Variants in CPLANE1 observed in about 807,000 individuals in gnomAD.
The protein encoded by CPLANE1 is ciliogenesis and planar polarity effector 1.
CPLANE1 carries 263 observed loss-of-function variants against 362.5 expected under a neutral mutation model. The observed-to-expected ratio is 0.73, with a 90% CI of 0.66 to 0.80. The LOEUF (loss-of-function observed/expected upper bound fraction) is 0.80, where lower values mean the gene tolerates loss of function less well. CPLANE1 is among the 30% of genes least tolerant of loss of function. The probability of loss-of-function intolerance (pLI) is 0.00; values close to 1 mark genes in which losing one functional copy is unlikely to be tolerated. For synonymous variants in CPLANE1, 1,212 were observed against 1,302.6 expected (o/e 0.93, Z 1.50); for missense variants, 3,461 against 3,793.4 (o/e 0.91, Z 2.30).
chr5:37,184,802 T>G lies in CPLANE1; in HGVS notation c.4467A>C (p.Ile1489=). The G allele has an allele frequency of 9.9e-6, 16 of 1,611,404 alleles. No homozygotes were observed. The highest frequency in any genetic ancestry group is 1.4e-5 in the Non-Finnish European group (16 of 1,179,142). ...CTCAATTGTACCTTTGATAGATATTTATCCTACTTTTTTCTTCAACCGACA... is the reference window on the plus strand; with the variant it reads ...CTCAATTGTACCTTTGATAGATATTGATCCTACTTTTTTCTTCAACCGACA... ...EALSVEEKSR[I]NIYQRNAPNH... The change falls in exon 25 of 53, where the codon ATA becomes ATC. Residue 1489 remains isoleucine, a synonymous_variant. Coordinates refer to ENST00000651892, the MANE Select transcript of CPLANE1 (RefSeq NM_001384732.1).
intron 38 of CPLANE1, among the ~76,000 whole-genome samples, chr5:37,160,182 C>T (rs1580289475): frequency 6.6e-6 from 1 of 152,120 alleles, no homozygotes; most frequent in Non-Finnish European, 1.5e-5. Context: ...CAGCTGCCAA[C>T]TTCGATAAAC....
chr5:37,105,965 C>T (rs185307398), downstream of CPLANE1, among the ~76,000 whole-genome samples: 11 of 152,230 alleles, frequency 7.2e-5, no homozygotes, highest in African/African-American at 1.7e-4. Context: ...AATGAGGTAT[C>T]GCTGCACCCC....
chr5:37,098,720 A>T, the CPLANE1 span, among the ~76,000 whole-genome samples: 1 of 151,986 alleles, frequency 6.6e-6, no homozygotes, highest in Non-Finnish European at 1.5e-5. Context: ...AGACATTAAT[A>T]ACAAGAGAAA....
At chr5:37,236,439 A>C (rs541063625) in intron 8 of CPLANE1, among the ~76,000 whole-genome samples, 2 of 152,298 alleles carry the variant, frequency 1.3e-5, no homozygotes, top group Non-Finnish European at 2.9e-5. Context: ...AGATGGATTA[A>C]AGACCTAAAC....
In CPLANE1 at chr5:37,108,450, C is replaced by A. The variant is rs371000717; in HGVS notation, c.9422G>T (p.Ser3141Ile). The change falls in exon 52 of 53, where the codon AGT (serine) becomes ATT (isoleucine). Residue 3141 changes from serine to isoleucine, a missense_variant. Physicochemically the swap from Ser to Ile is moderately radical, Grantham distance 142 (BLOSUM62 -2). Around this residue, in one of 2 missense-constraint regions of CPLANE1, gnomAD observed 3,380 missense variants for 3,666.1 expected, o/e 0.92. Coordinates refer to ENST00000651892, the MANE Select transcript of CPLANE1 (RefSeq NM_001384732.1). Reference protein sequence around the residue: ...FQKGSNAPCHSLQHTKKHGSA... With the variant: ...FQKGSNAPCHILQHTKKHGSA... ...TCCATGTTTTTTTGTATGCTGCAGACTATGACACGGAGCATTAGAGCCTTT... is the reference window on the plus strand; with the variant it reads ...TCCATGTTTTTTTGTATGCTGCAGAATATGACACGGAGCATTAGAGCCTTT... 1.2e-6 allele frequency: 2 copies of A among 1,613,892 alleles called. No homozygotes were observed. The highest frequency in any genetic ancestry group is 2.7e-5 in the African/African-American group (2 of 74,932).
chr5:37,194,710 G>A (rs1786746969), intron 21 of CPLANE1, among the ~76,000 whole-genome samples: 1 of 150,542 alleles, frequency 6.6e-6, no homozygotes, highest in Non-Finnish European at 1.5e-5. Context: ...CCAGGCTGGA[G>A]TGCGGTGGCT....
chr5:37,234,390 A>G (rs555327513), intron 8 of CPLANE1, among the ~76,000 whole-genome samples: 16 of 151,836 alleles, frequency 1.1e-4, no homozygotes, highest in Admixed American at 9.2e-4. Context: ...TTAAAAAAAA[A>G]AAAAAGAAAT....
rs770036193 is a variant in CPLANE1 at position 37,173,951 on chromosome 5, C to T, written c.5979-4G>A. The stretch of plus-strand genomic sequence containing the variant: ...TTTATATGTAGAAATCTGTGCACTG[C>T]GTGGAAAGCATTTAAATAAAAAACA... On this transcript the variant is annotated splice_polypyrimidine_tract_variant and splice_region_variant and intron_variant, in intron 31 of 52. Coordinates refer to ENST00000651892, the MANE Select transcript of CPLANE1 (RefSeq NM_001384732.1). 9.4e-6 allele frequency: 15 copies of T among 1,602,762 alleles called. No homozygotes were observed. Among genetic ancestry groups the T allele is most frequent in the East Asian group, 2.2e-5 (1 of 44,740 alleles).
At chr5:37,109,079 A>G (rs1354914329) in intron 51 of CPLANE1, among the ~76,000 whole-genome samples, 2 of 152,164 alleles carry the variant, frequency 1.3e-5, no homozygotes, top group Non-Finnish European at 2.9e-5. Flanking sequence ...ACCTAACACA[A>G]TGTTCCAAAG....
intron 51 of CPLANE1, 32 bp from the exon 52 acceptor site, chr5:37,108,503 G>A (rs1370554862): frequency 1.9e-6 from 3 of 1,553,734 alleles, no homozygotes; most frequent in East Asian, 2.3e-5. Flanking sequence ...GCACACATTG[G>A]GATTGATTCA....
intron 35 of CPLANE1, 58 bp downstream of exon 35, chr5:37,166,989 A>C (rs776742227): frequency 1.3e-5 from 17 of 1,340,606 alleles, no homozygotes; most frequent in Non-Finnish European, 1.8e-5. Context: ...GTGATTATAA[A>C]TAATAATGAA....
At chr5:37,179,200 G>C (rs1361121502) in intron 29 of CPLANE1, among the ~76,000 whole-genome samples, 161 bp downstream of exon 29, 1 of 152,148 alleles carries the variant, frequency 6.6e-6, no homozygotes, top group Non-Finnish European at 1.5e-5. Context: ...TTCAGGGAAA[G>C]AAAAATGCCA....
In CPLANE1 at chr5:37,194,905, C is replaced by A. The variant is rs548439803; in HGVS notation, c.3811+953G>T. 9.0e-3 allele frequency among the ~76,000 whole-genome samples: 1,374 copies of A among 151,864 alleles called. 19 individuals are homozygous for A. The highest frequency in any genetic ancestry group is 0.01 in the Non-Finnish European group (698 of 67,942). On this transcript the variant is annotated intron_variant, in intron 21 of 52. Coordinates refer to ENST00000651892, the MANE Select transcript of CPLANE1 (RefSeq NM_001384732.1). ...CGGTGGCTCACACCTGTAATCCCAGCACTTTGGGAGGCCGAGGCAGGTGGA... is the reference window on the plus strand; with the variant it reads ...CGGTGGCTCACACCTGTAATCCCAGAACTTTGGGAGGCCGAGGCAGGTGGA...
intron 43 of CPLANE1, among the ~76,000 whole-genome samples, chr5:37,143,454 G>A (rs1409321298): frequency 6.6e-6 from 1 of 152,162 alleles, no homozygotes; most frequent in Non-Finnish European, 1.5e-5. Flanking sequence ...AGAGCAGATA[G>A]ATTTGAAAAA....
intron 4 of CPLANE1, 59 bp from the exon 5 acceptor site, chr5:37,244,666 G>T: frequency 2.2e-6 from 2 of 911,618 alleles, no homozygotes; most frequent in South Asian, 1.8e-5. Context: ...CCCCAATAAA[G>T]TACATAATTT....
intron 51 of CPLANE1, 70 bp downstream of exon 51, chr5:37,114,890 C>T (rs1395552836): frequency 1.1e-6 from 1 of 931,590 alleles, no homozygotes; most frequent in Non-Finnish European, 1.6e-6. Context: ...CAGAGTGAGA[C>T]TCTGTCTCAA....
intron 50 of CPLANE1, among the ~76,000 whole-genome samples, chr5:37,116,828 G>A (rs1761162000): frequency 2.6e-5 from 4 of 152,202 alleles, no homozygotes. Context: ...CTTGACCTAT[G>A]TGAGTTCAGG....
chr5:37,090,250 T>C, the CPLANE1 span, among the ~76,000 whole-genome samples: 342 of 152,340 alleles, frequency 2.2e-3, 3 homozygotes, highest in African/African-American at 7.9e-3. Context: ...AATTGTTTTA[T>C]CTTTCTCACC....
intron 29 of CPLANE1, among the ~76,000 whole-genome samples, chr5:37,177,949 GACTAACACAC>G: frequency 6.6e-6 from 1 of 152,094 alleles, no homozygotes; most frequent in South Asian, 2.1e-4. Context: ...TGTGTCAGTA[GACTAACACAC>G]TGTAAATTAT....
Sources: allele counts gnomAD v4.1 joint callset (sites outside exome capture counted in the v4.1 genomes callset), GRCh38; gene constraint gnomAD v4.1.1; regional missense constraint gnomAD v4.1.1; transcripts MANE v1.5; gene names NCBI Gene and HGNC (gene_info 2026-07-23, HGNC 2026-07-21).